Variants in ZNF317 observed in about 807,000 individuals in gnomAD.
ZNF317 encodes the protein zinc finger protein 317.
In ZNF317, 17 loss-of-function variants were observed where a neutral mutation model predicts 23.4. That is an observed-to-expected ratio of 0.73 (90% CI 0.50 to 1.09). The LOEUF is 1.09. ZNF317 is among the 50% of genes least tolerant of loss of function. The pLI is 0.00. For missense variants in ZNF317, 679 were observed against 796.7 expected (o/e 0.85, Z 1.78); for synonymous variants, 317 against 314.9 (o/e 1.01, Z -0.07).
intron 1 of ZNF317, among the ~76,000 whole-genome samples, chr19:9,143,352 T>G (rs975760430): frequency 6.6e-5 from 10 of 152,296 alleles, no homozygotes; most frequent in African/African-American, 2.4e-4. Flanking sequence ...GTTTTCTATT[T>G]TATAACTTTC....
intron 1 of ZNF317, among the ~76,000 whole-genome samples, chr19:9,146,629 C>T (rs942761902): frequency 1.3e-5 from 2 of 151,288 alleles, no homozygotes; most frequent in African/African-American, 4.9e-5. Context: ...GGGGTTTCAC[C>T]ATGTTGGCCA....
intron 6 of ZNF317, 39 bp downstream of exon 6, chr19:9,158,947 C>T (rs78087655): frequency 0.035 from 50,731 of 1,446,006 alleles, 1,067 homozygotes; most frequent in Admixed American, 0.071. Context: ...CTTCCTTCCA[C>T]GTCTGAGGAG....
At chr19:9,143,918 GCTTT>G (rs746995942) in intron 1 of ZNF317, among the ~76,000 whole-genome samples, 1 of 129,470 alleles carries the variant, frequency 7.7e-6, no homozygotes, top group Non-Finnish European at 1.6e-5. Flanking sequence ...ATTCAAACCA[GCTTT>G]CTTTTTTTTT....
chr19:9,157,818 T>C (rs1388203676), intron 4 of ZNF317, 162 bp from the exon 5 acceptor site: 36 of 1,387,200 alleles, frequency 2.6e-5, no homozygotes, highest in Non-Finnish European at 3.3e-5. Flanking sequence ...TCAAAAACTT[T>C]TACTGTGTTC....
At chr19:9,144,434 T>C (rs1247321535) in intron 1 of ZNF317, among the ~76,000 whole-genome samples, 1 of 151,086 alleles carries the variant, frequency 6.6e-6, no homozygotes, top group Non-Finnish European at 1.5e-5. Context: ...TATTTGAATG[T>C]TACATTTGTC....
Position 9,162,919 on chromosome 19 carries a change from C to G in ZNF317, c.*1486C>G, listed in dbSNP as rs2050875393. ...CAAGTGGTAATATGTTTGCAGCCTG[C>G]TGTCCAGCCAAGAGTGACAGATACT... On this transcript the variant is annotated 3_prime_UTR_variant, in exon 7 of 7. Transcript: ENST00000247956. The G allele has an allele frequency of 6.6e-6, 1 of 152,208 alleles. No individual in the cohort carries two copies. The highest frequency in any genetic ancestry group is 2.4e-5 in the African/African-American group (1 of 41,458). 9.4% of individuals were successfully genotyped at this position (152,208 alleles called of 1,614,324 possible).
chr19:9,140,432 G>A lies in ZNF317; in HGVS notation c.-253G>A, dbSNP rs145305351. 7 of 444,498 alleles carry A rather than the reference G, an allele frequency of 1.6e-5. No homozygotes were observed. The highest frequency in any genetic ancestry group is 8.1e-5 in the African/African-American group (4 of 49,258). 27.5% of individuals were successfully genotyped at this position (444,498 alleles called of 1,614,324 possible). ...AAGCCATTACTCTCTGGAGTCGATT[G>A]CCCCGAGACACATGGGCCAAGGAGG... On this transcript the variant is annotated 5_prime_UTR_variant, in exon 1 of 7. Coordinates refer to ENST00000247956, the MANE Select transcript of ZNF317 (RefSeq NM_020933.5).
At chr19:9,144,529 T>A (rs1053512123) in intron 1 of ZNF317, among the ~76,000 whole-genome samples, 30 of 152,166 alleles carry the variant, frequency 2.0e-4, no homozygotes, top group African/African-American at 7.2e-4. Context: ...TTTACTCTAT[T>A]ATTTCAGTGG....
chr19:9,161,993 C>T lies in ZNF317; in HGVS notation c.*560C>T, dbSNP rs1171341349. On this transcript the variant is annotated 3_prime_UTR_variant, in exon 7 of 7. Transcript: ENST00000247956. The surrounding 1 kb of genome is among the most constrained non-coding windows in gnomAD (Gnocchi z 4.0). ...GCTTGCCAGCTAACAATAGTGGTTC[C>T]ATCTTTAAGGAAGAAGAATGTTTGA... 6.6e-6 allele frequency: 1 copy of T among 152,526 alleles called. No individual in the cohort carries two copies. The highest frequency in any genetic ancestry group is 1.5e-5 in the Non-Finnish European group (1 of 68,308). The allele number at this position is 152,526 out of a possible 1,614,324, so 9.4% of individuals were successfully genotyped here.
intron 1 of ZNF317, among the ~76,000 whole-genome samples, chr19:9,152,366 G>A (rs752591603): frequency 4.6e-5 from 7 of 152,174 alleles, no homozygotes; most frequent in Non-Finnish European, 7.3e-5. Context: ...GACAGGTACC[G>A]GTCCCTGGCC....
At chr19:9,147,330 G>GTTTTTTTTTTTTTTTTTTTTTT (rs35259257) in intron 1 of ZNF317, among the ~76,000 whole-genome samples, 1 of 110,172 alleles carries the variant, frequency 9.1e-6, no homozygotes, top group African/African-American at 3.9e-5. Context: ...AATGACACTG[G>GTTTTTTTTTTTTTTTTTTTTTT]TTTTTTTTTT....
At chr19:9,147,154 G>A (rs912998250) in intron 1 of ZNF317, among the ~76,000 whole-genome samples, 2 of 152,076 alleles carry the variant, frequency 1.3e-5, no homozygotes, top group African/African-American at 2.4e-5. Flanking sequence ...TGGCCCTGGT[G>A]AGGAGAAAAA....
chr19:9,156,505 AG>A, intron 2 of ZNF317, 106 bp from the exon 3 acceptor site: 1 of 1,384,746 alleles, frequency 7.2e-7, no homozygotes, highest in East Asian at 2.3e-5. Context: ...GAGAGGATTG[AG>A]GATGTGAACA....
intron 1 of ZNF317, among the ~76,000 whole-genome samples, chr19:9,155,413 A>G (rs1406723762): frequency 6.6e-6 from 1 of 152,104 alleles, no homozygotes; most frequent in Non-Finnish European, 1.5e-5. Flanking sequence ...TGCACAGGAG[A>G]CTTTGCCCAG....
rs374591380 is a variant in ZNF317, at chr19:9,161,398, C to T, written c.1753C>T (p.Leu585Phe). The T allele has an allele frequency of 8.7e-6, 14 of 1,613,590 alleles. No homozygotes were observed. The African/African-American group carries it at 1.6e-4, about 18-fold the overall frequency. Residue 585 changes from leucine (L) to phenylalanine (F), a missense_variant, in exon 7 of 7, where the codon CTC becomes TTC. Physicochemically the swap from Leu to Phe is conservative, Grantham distance 22. Coordinates refer to ENST00000247956, the MANE Select transcript of ZNF317 (RefSeq NM_020933.5). This position sits in a 1 kb window ranked among gnomAD's most constrained non-coding sequence, Gnocchi z 4.0. ...SHVKTHRGEK[L>F]FVSSVWKRLQ The stretch of plus-strand genomic sequence containing the variant: ...CGTGAAAACTCACCGGGGAGAGAAG[C>T]TCTTTGTGTCATCCGTGTGGAAAAG...
At position 9,162,829 on chromosome 19, in the gene ZNF317, C is replaced by G. The variant is rs1317843879; in HGVS notation, c.*1396C>G. On this transcript the variant is annotated 3_prime_UTR_variant, in exon 7 of 7. Coordinates refer to ENST00000247956, the MANE Select transcript of ZNF317 (RefSeq NM_020933.5). ...AGATCTATGTGACATGAGGATATTT[C>G]TCAGTACCACTTTGTTACTGGTACC... 6.6e-6 allele frequency: 1 copy of G among 152,156 alleles called. No homozygotes were observed. The highest frequency in any genetic ancestry group is 2.1e-4 in the South Asian group (1 of 4,830). 9.4% of individuals were successfully genotyped at this position (152,156 alleles called of 1,614,324 possible).
At position 9,156,696 on chromosome 19, in the gene ZNF317, A is replaced by T; in HGVS notation, c.110A>T (p.Asp37Val). Reference protein sequence around the residue: ...SKDHSCPQNLDLFVCSGLEPH... With the variant: ...SKDHSCPQNLVLFVCSGLEPH... ...GACCATTCCTGTCCCCAGAATTTGG[A>T]CCTGTTCGTGTGCAGTGGTCTGGAG... The change falls in exon 3 of 7, where the codon GAC (aspartate) becomes GTC (valine). Residue 37 changes from aspartate to valine, a missense_variant. Transcript: ENST00000247956. 1 of 1,614,124 alleles carries T rather than the reference A, an allele frequency of 6.2e-7. No individual in the cohort carries two copies. The highest frequency in any genetic ancestry group is 8.5e-7 in the Non-Finnish European group (1 of 1,180,032).
chr19:9,143,015 A>G (rs913597903), intron 1 of ZNF317, among the ~76,000 whole-genome samples: 1 of 152,136 alleles, frequency 6.6e-6, no homozygotes, highest in Non-Finnish European at 1.5e-5. Context: ...TGGAAAAACC[A>G]TTTGGGTCTG....
chr19:9,158,000 A>G lies in ZNF317; in HGVS notation c.310A>G (p.Ser104Gly). ...TGTAGGGTATCAGGTCGGCAAACCC[A>G]GCCTCATCTCACACTTGGAGCAGGA... ...TSLGYQVGKP[S>G]LISHLEQEEE... The change falls in exon 5 of 7, where the codon AGC (serine) becomes GGC (glycine). Residue 104 changes from serine to glycine, a missense_variant. Ser to Gly is a moderately conservative substitution (Grantham distance 56, BLOSUM62 0). Transcript: ENST00000247956. 3.2e-6 allele frequency: 5 copies of G among 1,551,480 alleles called. No individual in the cohort carries two copies. The highest frequency in any genetic ancestry group is 4.4e-6 in the Non-Finnish European group (5 of 1,146,906).
Sources: allele counts gnomAD v4.1 joint callset (sites outside exome capture counted in the v4.1 genomes callset), GRCh38; gene constraint gnomAD v4.1.1; non-coding constraint Gnocchi (gnomAD v3.1); transcripts MANE v1.5; gene names NCBI Gene and HGNC (gene_info 2026-07-23, HGNC 2026-07-21).